The following NPAS3 variants were observed in gnomAD, a reference collection of about 807,000 sequenced individuals.
NPAS3 encodes neuronal PAS domain protein 3.
A neutral mutation model predicts 73.1 loss-of-function variants in NPAS3; 14 were observed. The ratio of observed to expected loss-of-function variants is 0.19; its 90% confidence interval spans 0.13 to 0.30. The LOEUF is 0.30. Ranked by LOEUF, NPAS3 falls within the 10% of genes least tolerant of loss-of-function variation. The pLI is 1.00. For synonymous variants in NPAS3, 620 were observed against 541.5 expected, an observed-to-expected ratio of 1.14 and a Z score of -2.01; for missense variants, 1,096 against 1,250.0, an observed-to-expected ratio of 0.88 and a Z score of 1.86.
At chr14:32,948,843 T>C (rs1421219895) in intron 1 of NPAS3, among the ~76,000 whole-genome samples, 2 of 152,066 alleles carry the variant, frequency 1.3e-5, no homozygotes, top group Non-Finnish European at 2.9e-5. Flanking sequence ...TTTTCCAGAC[T>C]TTGAGAAAAA....
At chr14:33,555,061 A>C (rs1490476215) in intron 4 of NPAS3, among the ~76,000 whole-genome samples, 1 of 149,492 alleles carries the variant, frequency 6.7e-6, no homozygotes, top group Non-Finnish European at 1.5e-5. Flanking sequence ...TCCAAGCCTC[A>C]CTTCTTGCAT....
chr14:33,690,411 C>T (rs1333719079), intron 6 of NPAS3, among the ~76,000 whole-genome samples: 1 of 152,032 alleles, frequency 6.6e-6, no homozygotes, highest in African/African-American at 2.4e-5. Context: ...ACATAGGCCA[C>T]CAAGCAGTCA....
intron 1 of NPAS3, among the ~76,000 whole-genome samples, chr14:32,957,176 C>T (rs1363686031): frequency 6.6e-6 from 1 of 151,838 alleles, no homozygotes; most frequent in Admixed American, 6.6e-5. Flanking sequence ...TGCTCTTCTT[C>T]CCAGAAAAAG....
chr14:33,798,016 C>A (rs1456068410), intron 11 of NPAS3, among the ~76,000 whole-genome samples: 1 of 151,958 alleles, frequency 6.6e-6, no homozygotes, highest in Non-Finnish European at 1.5e-5. Context: ...ACAGAAGGAG[C>A]CCTGCTCTAA....
At chr14:33,162,036 T>C (rs2044910594) in intron 2 of NPAS3, among the ~76,000 whole-genome samples, 1 of 152,204 alleles carries the variant, frequency 6.6e-6, no homozygotes, top group South Asian at 2.1e-4. Flanking sequence ...GCTTCTTCAT[T>C]CCTGGCAGAG....
intron 5 of NPAS3, among the ~76,000 whole-genome samples, chr14:33,648,512 G>A (rs1294705500): frequency 6.6e-6 from 1 of 152,186 alleles, no homozygotes; most frequent in African/African-American, 2.4e-5. Flanking sequence ...AAGAAAAAGT[G>A]TCTAAAAATA....
At chr14:33,371,001 A>AT (rs1285294027) in intron 4 of NPAS3, among the ~76,000 whole-genome samples, 1 of 152,162 alleles carries the variant, frequency 6.6e-6, no homozygotes, top group African/African-American at 2.4e-5. Context: ...GTATAGATGA[A>AT]TGATAGTTCA....
intron 4 of NPAS3, among the ~76,000 whole-genome samples, chr14:33,484,526 CAG>C (rs2051487524): frequency 6.6e-6 from 1 of 152,152 alleles, no homozygotes; most frequent in Non-Finnish European, 1.5e-5. Flanking sequence ...AAAGGACTGT[CAG>C]AATAATAACA....
At chr14:33,653,895 T>C (rs1207262160) in intron 5 of NPAS3, among the ~76,000 whole-genome samples, 1 of 152,218 alleles carries the variant, frequency 6.6e-6, no homozygotes, top group African/African-American at 2.4e-5. Flanking sequence ...TAGAAATAGA[T>C]GTGCCTAAAG....
At chr14:33,181,192 G>A (rs1342580750) in intron 2 of NPAS3, among the ~76,000 whole-genome samples, 1 of 152,150 alleles carries the variant, frequency 6.6e-6, no homozygotes, top group African/African-American at 2.4e-5. Flanking sequence ...AAGATGACAA[G>A]GCCGTTAGTA....
chr14:33,511,486 A>C (rs1380635937), intron 4 of NPAS3, among the ~76,000 whole-genome samples: 1 of 152,104 alleles, frequency 6.6e-6, no homozygotes, highest in Admixed American at 6.6e-5. Context: ...CGAAGGATAT[A>C]AAACAGCACA....
chr14:33,187,581 C>T (rs11850371), intron 2 of NPAS3, among the ~76,000 whole-genome samples: 46,522 of 152,054 alleles, frequency 0.31, 7,898 homozygotes, highest in East Asian at 0.51. Context: ...CCTGTAGTCC[C>T]AGCTACTCAG....
At chr14:33,696,776 G>A (rs944969751) in intron 6 of NPAS3, among the ~76,000 whole-genome samples, 1 of 152,136 alleles carries the variant, frequency 6.6e-6, no homozygotes, top group African/African-American at 2.4e-5. Flanking sequence ...AGTATGTTTT[G>A]TTTCTTGCTT....
intron 3 of NPAS3, among the ~76,000 whole-genome samples, chr14:33,304,056 C>T (rs896521777): frequency 3.3e-5 from 5 of 152,136 alleles, no homozygotes; most frequent in Non-Finnish European, 4.4e-5. Context: ...TACAGGTGCC[C>T]GCAACCACGC....
At chr14:33,406,087 C>T (rs981675529) in intron 4 of NPAS3, among the ~76,000 whole-genome samples, 5 of 151,890 alleles carry the variant, frequency 3.3e-5, no homozygotes, top group Non-Finnish European at 5.9e-5. Context: ...AGCAAATCAT[C>T]TCAAACTGAA....
intron 2 of NPAS3, among the ~76,000 whole-genome samples, chr14:33,211,005 G>A (rs1000048848): frequency 6.6e-6 from 1 of 152,172 alleles, no homozygotes; most frequent in Non-Finnish European, 1.5e-5. Context: ...GCAGGCATTA[G>A]AAGGAAAGAA....
chr14:33,709,331 C>T (rs1027584428), intron 6 of NPAS3, among the ~76,000 whole-genome samples: 4 of 152,112 alleles, frequency 2.6e-5, no homozygotes, highest in African/African-American at 7.2e-5. Flanking sequence ...AAGGAAAAAC[C>T]GTCCCACCCC....
At chr14:33,059,659 T>C (rs957172070) in intron 2 of NPAS3, among the ~76,000 whole-genome samples, 2 of 152,200 alleles carry the variant, frequency 1.3e-5, no homozygotes, top group African/African-American at 4.8e-5. Context: ...ATCTGTAAAG[T>C]AGTGGATTTC....
chr14:32,975,642 GT>G (rs1267099696), intron 1 of NPAS3, among the ~76,000 whole-genome samples: 1 of 152,160 alleles, frequency 6.6e-6, no homozygotes, highest in South Asian at 2.1e-4. Context: ...GTTGCTCACA[GT>G]TTTTTTAATT....
Sources: allele counts gnomAD v4.1 joint callset (sites outside exome capture counted in the v4.1 genomes callset), GRCh38; gene constraint gnomAD v4.1.1; transcripts MANE v1.5; gene names NCBI Gene and HGNC (gene_info 2026-07-23, HGNC 2026-07-21).